Variants in CFAP92 observed in about 807,000 individuals in gnomAD.
The protein encoded by CFAP92 is cilia and flagella associated protein 92 (putative).
A neutral mutation model predicts 106.3 loss-of-function variants in CFAP92; 86 were observed. The ratio of observed to expected loss-of-function variants is 0.81; its 90% CI spans 0.68 to 0.97. CFAP92 has a LOEUF of 0.97. CFAP92 is among the 50% of genes least tolerant of loss of function. The pLI, the probability that CFAP92 is intolerant of heterozygous loss-of-function variation, is 0.00. For synonymous variants in CFAP92, 477 were observed against 506.4 expected (o/e 0.94, Z 0.78); for missense variants, 1,204 against 1,283.8 (o/e 0.94, Z 0.95).
chr3:129,002,501 A>C (rs1944839865), intron 1 of CFAP92: 3 of 1,251,252 alleles, frequency 2.4e-6, no homozygotes, highest in Non-Finnish European at 1.0e-6. Context: ...TCCCCATTCC[A>C]CTCCAGTCCC....
the CFAP92 span, among the ~76,000 whole-genome samples, chr3:129,011,422 G>A: frequency 6.6e-6 from 1 of 152,008 alleles, no homozygotes; most frequent in African/African-American, 2.4e-5. Context: ...GTCCTGGCAC[G>A]TGCCTGTAAT....
upstream of CFAP92, among the ~76,000 whole-genome samples, chr3:129,004,978 TG>T (rs1945006067): frequency 6.6e-6 from 1 of 152,136 alleles, no homozygotes; most frequent in South Asian, 2.1e-4. Flanking sequence ...GGAGTGGCTG[TG>T]AAGAGGCCAT....
At chr3:128,914,036 C>A (rs531353274) in intron 15 of CFAP92, among the ~76,000 whole-genome samples, 2 of 152,164 alleles carry the variant, frequency 1.3e-5, no homozygotes, top group African/African-American at 4.8e-5. Flanking sequence ...GTTGAAAAGG[C>A]CTAGCGACCA....
At chr3:128,952,351 T>G (rs1940896178) in intron 9 of CFAP92, among the ~76,000 whole-genome samples, 1 of 151,836 alleles carries the variant, frequency 6.6e-6, no homozygotes, top group African/African-American at 2.4e-5. Flanking sequence ...GGTCTTAAAC[T>G]CCTGGGCTCA....
chr3:128,988,959 G>A, intron 2 of CFAP92, 41 bp from the exon 3 acceptor site: 1 of 1,512,120 alleles, frequency 6.6e-7, no homozygotes, highest in Admixed American at 1.8e-5. Context: ...TTAACCTCAT[G>A]TGGAAAAGCA....
chr3:128,980,929 C>T (rs1391388242), intron 4 of CFAP92, among the ~76,000 whole-genome samples: 1 of 152,188 alleles, frequency 6.6e-6, no homozygotes, highest in East Asian at 1.9e-4. Flanking sequence ...GGGCTGGAAT[C>T]CACTTCTTCC....
intron 4 of CFAP92, among the ~76,000 whole-genome samples, chr3:128,980,170 A>C (rs1943438650): frequency 6.6e-6 from 1 of 151,730 alleles, no homozygotes. Context: ...CAGGAGTTCA[A>C]GACAAGCCTA....
intron 10 of CFAP92, among the ~76,000 whole-genome samples, chr3:128,937,938 C>T (rs4040753): frequency 0.14 from 21,964 of 151,976 alleles, 1,659 homozygotes; most frequent in Middle Eastern, 0.16. Context: ...GTGGTAGGTG[C>T]CTGTAATCTC....
chr3:128,931,749 ACAGTGAC>A (rs1938421626), intron 12 of CFAP92, among the ~76,000 whole-genome samples: 4 of 152,252 alleles, frequency 2.6e-5, no homozygotes, highest in South Asian at 2.1e-4. Context: ...ACAGCCAGGC[ACAGTGAC>A]TCACACCTGT....
chr3:129,025,335 G>A, the CFAP92 span, among the ~76,000 whole-genome samples: 3 of 152,168 alleles, frequency 2.0e-5, no homozygotes, highest in Non-Finnish European at 2.9e-5. Context: ...AGGGAGGCAG[G>A]AGGAATCCCA....
At chr3:128,952,751 A>G (rs1453781495) in intron 9 of CFAP92, among the ~76,000 whole-genome samples, 1 of 152,152 alleles carries the variant, frequency 6.6e-6, no homozygotes, top group Non-Finnish European at 1.5e-5. Flanking sequence ...ATTGTACTCC[A>G]GCCTGGGTGA....
the CFAP92 span, among the ~76,000 whole-genome samples, chr3:129,025,508 T>C: frequency 1.3e-5 from 2 of 152,118 alleles, no homozygotes; most frequent in African/African-American, 2.4e-5. Flanking sequence ...CAAGACATGA[T>C]TGGGGCAGCA....
At chr3:128,961,688 A>C (rs191714352) in intron 9 of CFAP92, among the ~76,000 whole-genome samples, 1 of 152,352 alleles carries the variant, frequency 6.6e-6, no homozygotes, top group East Asian at 1.9e-4. Context: ...GACGCTTTAC[A>C]GCCCTAGACC....
intron 9 of CFAP92, among the ~76,000 whole-genome samples, chr3:128,951,568 C>A (rs1940808617): frequency 1.3e-5 from 2 of 152,088 alleles, no homozygotes; most frequent in South Asian, 4.1e-4. Context: ...ACATGGGATC[C>A]TGGGTCTTCT....
At chr3:128,918,565 G>C (rs762060603) in intron 12 of CFAP92, among the ~76,000 whole-genome samples, 1 of 152,182 alleles carries the variant, frequency 6.6e-6, no homozygotes, top group Non-Finnish European at 1.5e-5. Context: ...AGTAATGTCC[G>C]ATAGCCTAGT....
chr3:128,950,153 T>C (rs183007643), intron 9 of CFAP92, among the ~76,000 whole-genome samples: 1 of 152,322 alleles, frequency 6.6e-6, no homozygotes, highest in East Asian at 1.9e-4. Context: ...GGTGACCAAA[T>C]GCTCACTGCT....
intron 1 of CFAP92, chr3:129,002,157 C>A (rs1486051752): frequency 2.0e-6 from 3 of 1,470,706 alleles, no homozygotes; most frequent in Non-Finnish European, 2.7e-6. Context: ...GATCCGCCTG[C>A]GCCGTCCGCG....
the CFAP92 span, among the ~76,000 whole-genome samples, chr3:129,010,189 C>G: frequency 6.6e-6 from 1 of 152,254 alleles, no homozygotes; most frequent in Non-Finnish European, 1.5e-5. This position sits in a 1 kb window ranked among gnomAD's most constrained non-coding sequence, Gnocchi z 4.3. Context: ...AGGGGTCCCC[C>G]TTCAGTCCTC....
intron 4 of CFAP92, among the ~76,000 whole-genome samples, chr3:128,985,819 A>G (rs1943818848): frequency 6.6e-6 from 1 of 152,208 alleles, no homozygotes; most frequent in African/African-American, 2.4e-5. Flanking sequence ...CTTGTAGTGT[A>G]GGTATATATA....
Sources: gnomAD v4.1 joint callset for allele counts (sites outside exome capture counted in the v4.1 genomes callset) on GRCh38, gnomAD v4.1.1 for gene constraint, Gnocchi (gnomAD v3.1) non-coding constraint, MANE v1.5 for transcripts, NCBI Gene and HGNC (gene_info 2026-07-23, HGNC 2026-07-21) for gene names.